The following GPC6 variants were observed in gnomAD, a reference collection of about 807,000 sequenced individuals.
GPC6 encodes glypican-6.
A neutral mutation model predicts 55.2 loss-of-function variants in GPC6; 14 were observed. The observed-to-expected ratio is 0.25, with a 90% CI of 0.17 to 0.40. The LOEUF is 0.40. Among genes scored for constraint, GPC6 ranks in the 10% least tolerant of loss-of-function variants. The pLI, the probability that GPC6 is intolerant of heterozygous loss-of-function variation, is 1.00. For missense variants in GPC6, 641 were observed against 708.5 expected, an observed-to-expected ratio of 0.90 and a Z score of 1.08; for synonymous variants, 278 against 259.6, an observed-to-expected ratio of 1.07 and a Z score of -0.68.
chr13:94,213,305 A>G (rs2138991724), intron 4 of GPC6, among the ~76,000 whole-genome samples: 1 of 152,328 alleles, frequency 6.6e-6, no homozygotes, highest in South Asian at 2.1e-4. Context: ...AATAACAAAA[A>G]TAATCATTAT....
chr13:93,905,453 T>G (rs1876613274), intron 3 of GPC6, among the ~76,000 whole-genome samples: 1 of 152,160 alleles, frequency 6.6e-6, no homozygotes, highest in Admixed American at 6.5e-5. Flanking sequence ...TCATATTGTT[T>G]AAAAGGCTGG....
At chr13:94,355,977 T>C (rs1283437592) in intron 6 of GPC6, among the ~76,000 whole-genome samples, 5 of 152,074 alleles carry the variant, frequency 3.3e-5, no homozygotes, top group African/African-American at 1.2e-4. Flanking sequence ...TTCCCCTCCA[T>C]GTGTCCATGT....
At chr13:94,313,227 C>T (rs961619896) in intron 6 of GPC6, among the ~76,000 whole-genome samples, 1 of 152,038 alleles carries the variant, frequency 6.6e-6, no homozygotes, top group Non-Finnish European at 1.5e-5. Flanking sequence ...TGATAAGGCC[C>T]AAGTGGGGAA....
chr13:94,043,509 TAAC>T (rs1309303813), intron 4 of GPC6, among the ~76,000 whole-genome samples: 1 of 151,822 alleles, frequency 6.6e-6, no homozygotes, highest in African/African-American at 2.4e-5. Context: ...ACCAGGAAAT[TAAC>T]ATTGCTATAA....
Position 93,231,334 on chromosome 13 carries a change from T to G in GPC6, c.160+3718T>G, listed in dbSNP as rs916122614. Among the ~76,000 whole-genome samples the G allele has an allele frequency of 8.2e-3, 453 of 55,364 alleles. 12 individuals carry two copies. Among genetic ancestry groups the G allele is most frequent in the Admixed American group, 0.038 (142 of 3,702 alleles). The allele number at this position is 55,364 out of a possible 152,430, so 36.3% of individuals were successfully genotyped here. A position where few individuals can be genotyped will look rare whatever the true frequency, so the allele number is the denominator to read the frequency against. ...CATTTCATATATATATATATACGTA[T>G]ATATATATATACATATATATATATA... On this transcript the variant is annotated intron_variant, in intron 1 of 8. Coordinates refer to ENST00000377047, the MANE Select transcript of GPC6 (RefSeq NM_005708.5).
At chr13:94,144,081 G>A (rs1887473697) in intron 4 of GPC6, among the ~76,000 whole-genome samples, 1 of 151,982 alleles carries the variant, frequency 6.6e-6, no homozygotes, top group Non-Finnish European at 1.5e-5. Flanking sequence ...AGACAGGATT[G>A]CATTATCATT....
At chr13:94,161,798 G>T (rs980455646) in intron 4 of GPC6, among the ~76,000 whole-genome samples, 1 of 152,064 alleles carries the variant, frequency 6.6e-6, no homozygotes, top group Non-Finnish European at 1.5e-5. Context: ...GCTGATAAAC[G>T]CATACCTGAG....
intron 3 of GPC6, among the ~76,000 whole-genome samples, chr13:94,007,265 G>A (rs1882060117): frequency 6.6e-6 from 1 of 152,126 alleles, no homozygotes; most frequent in African/African-American, 2.4e-5. Flanking sequence ...CATCCATCCA[G>A]TGATTCAACA....
intron 4 of GPC6, among the ~76,000 whole-genome samples, chr13:94,274,053 T>C (rs1224828389): frequency 7.9e-5 from 12 of 152,212 alleles, no homozygotes; most frequent in Admixed American, 5.9e-4. Context: ...CTCAAAGATA[T>C]AATATAGCAA....
chr13:93,389,027 A>G (rs1239984985), intron 1 of GPC6, among the ~76,000 whole-genome samples: 1 of 152,192 alleles, frequency 6.6e-6, no homozygotes, highest in Non-Finnish European at 1.5e-5. Context: ...AAACATCAGT[A>G]TTAAGATATC....
intron 1 of GPC6, among the ~76,000 whole-genome samples, chr13:93,354,178 A>T (rs1025574727): frequency 1.3e-5 from 2 of 152,150 alleles, no homozygotes; most frequent in African/African-American, 4.8e-5. Context: ...CCAGGTCTGT[A>T]ACATTTGGTT....
chr13:93,985,480 C>T (rs1393503232), intron 3 of GPC6, among the ~76,000 whole-genome samples: 4 of 149,412 alleles, frequency 2.7e-5, no homozygotes, highest in African/African-American at 4.9e-5. Flanking sequence ...GGCAACAAAG[C>T]GACACCACCT....
intron 4 of GPC6, among the ~76,000 whole-genome samples, chr13:94,104,871 C>T (rs533491677): frequency 6.6e-6 from 1 of 152,164 alleles, no homozygotes; most frequent in South Asian, 2.1e-4. Flanking sequence ...GAATCAATAT[C>T]ATGAAAATGG....
intron 2 of GPC6, among the ~76,000 whole-genome samples, chr13:93,641,729 G>A (rs1416827365): frequency 6.6e-6 from 1 of 151,954 alleles, no homozygotes; most frequent in Non-Finnish European, 1.5e-5. Flanking sequence ...GTCCACCTTG[G>A]ACCCCAGCAT....
intron 3 of GPC6, among the ~76,000 whole-genome samples, chr13:94,023,956 G>A (rs943013863): frequency 2.6e-5 from 4 of 152,014 alleles, no homozygotes; most frequent in African/African-American, 9.7e-5. Flanking sequence ...ATAGATTAGT[G>A]GTTGCCAGGT....
At chr13:93,392,596 G>A (rs1295491946) in intron 1 of GPC6, among the ~76,000 whole-genome samples, 1 of 152,212 alleles carries the variant, frequency 6.6e-6, no homozygotes, top group Non-Finnish European at 1.5e-5. Flanking sequence ...TGATGGCTCA[G>A]CATCATACTT....
intron 2 of GPC6, among the ~76,000 whole-genome samples, chr13:93,671,007 C>T (rs1881336061): frequency 6.6e-6 from 1 of 152,144 alleles, no homozygotes; most frequent in Admixed American, 6.6e-5. Flanking sequence ...TTCATTTTCA[C>T]ACTGTTGGCA....
At chr13:93,944,330 A>T (rs1878892936) in intron 3 of GPC6, among the ~76,000 whole-genome samples, 1 of 151,920 alleles carries the variant, frequency 6.6e-6, no homozygotes, top group South Asian at 2.1e-4. Context: ...CAGCCTCCCG[A>T]GTAGTTGGGA....
chr13:93,366,528 T>C (rs1436532600), intron 1 of GPC6, among the ~76,000 whole-genome samples: 1 of 152,102 alleles, frequency 6.6e-6, no homozygotes, highest in African/African-American at 2.4e-5. Context: ...TATTTAAATT[T>C]CTAAAATGAG....
Sources: allele counts gnomAD v4.1 joint callset (sites outside exome capture counted in the v4.1 genomes callset), GRCh38; gene constraint gnomAD v4.1.1; transcripts MANE v1.5; gene names NCBI Gene and HGNC (gene_info 2026-07-23, HGNC 2026-07-21).